Variants in LMO7 observed in about 807,000 individuals in gnomAD.
LMO7 encodes the protein LIM domain only protein 7.
Under a neutral mutation model 206.5 loss-of-function variants are expected in LMO7, and 120 were observed. That is an observed-to-expected ratio of 0.58 (90% CI 0.50 to 0.68). The LOEUF is 0.68. Among genes scored for constraint, LMO7 ranks in the 30% least tolerant of loss-of-function variants. LMO7 has a pLI of 0.00. For missense variants in LMO7, 1,959 were observed against 1,957.9 expected, an observed-to-expected ratio of 1.00 and a Z score of -0.01; for synonymous variants, 706 against 681.5, an observed-to-expected ratio of 1.04 and a Z score of -0.56.
At chr13:75,672,393 C>T (rs2039663386) in intron 1 of LMO7, among the ~76,000 whole-genome samples, 1 of 152,026 alleles carries the variant, frequency 6.6e-6, no homozygotes, top group African/African-American at 2.4e-5. Context: ...AGGCATGTGC[C>T]ACCATGCCTG....
At chr13:75,727,880 G>T (rs1357111111) in intron 3 of LMO7, among the ~76,000 whole-genome samples, 3 of 151,400 alleles carry the variant, frequency 2.0e-5, no homozygotes, top group East Asian at 1.9e-4. Flanking sequence ...GCGGTGTTTG[G>T]TTTTTTGTCC....
chr13:75,658,185 C>T (rs1213364421), intron 1 of LMO7, among the ~76,000 whole-genome samples: 1 of 152,014 alleles, frequency 6.6e-6, no homozygotes, highest in Non-Finnish European at 1.5e-5. Context: ...TGAGTTCTCT[C>T]TAACTCGTTT....
chr13:75,650,559 T>C (rs1042190328), intron 1 of LMO7, among the ~76,000 whole-genome samples: 3 of 152,204 alleles, frequency 2.0e-5, no homozygotes, highest in Admixed American at 6.5e-5. Flanking sequence ...TTGACTGAAA[T>C]GTTTTATATT....
chr13:75,732,728 G>A (rs1213700639), intron 3 of LMO7, among the ~76,000 whole-genome samples: 1 of 151,762 alleles, frequency 6.6e-6, no homozygotes, highest in African/African-American at 2.4e-5. Flanking sequence ...CAGTTTTTCT[G>A]CTGTTTTTTC....
chr13:75,760,527 G>A (rs1179319462), intron 3 of LMO7: 15 of 1,277,416 alleles, frequency 1.2e-5, no homozygotes, highest in Admixed American at 3.7e-5. Flanking sequence ...GTGGGTGAAT[G>A]TCAGTAGCTG....
At chr13:75,665,893 A>T (rs2039035358) in intron 1 of LMO7, among the ~76,000 whole-genome samples, 1 of 152,176 alleles carries the variant, frequency 6.6e-6, no homozygotes, top group Non-Finnish European at 1.5e-5. Flanking sequence ...AGAAGTGAAT[A>T]AATATTACAA....
intron 3 of LMO7, among the ~76,000 whole-genome samples, chr13:75,755,591 C>G (rs1048804853): frequency 6.6e-6 from 1 of 152,144 alleles, no homozygotes; most frequent in Non-Finnish European, 1.5e-5. Flanking sequence ...ACTCCCAAAC[C>G]ATATTTTAAA....
chr13:75,622,135 A>T (rs1301170578), intron 1 of LMO7: 12 of 219,640 alleles, frequency 5.5e-5, no homozygotes, highest in Non-Finnish European at 8.9e-6. Context: ...ATACTATGAT[A>T]CAGGCACGGA....
chr13:75,650,429 G>A (rs976033024), intron 1 of LMO7, among the ~76,000 whole-genome samples: 9 of 150,744 alleles, frequency 6.0e-5, no homozygotes, highest in Non-Finnish European at 8.9e-5. Context: ...TACCTGGCCC[G>A]TTTTTTTTTC....
At chr13:75,737,729 G>T (rs1348395224) in intron 3 of LMO7, among the ~76,000 whole-genome samples, 3 of 115,506 alleles carry the variant, frequency 2.6e-5, no homozygotes, top group African/African-American at 3.4e-5. Context: ...CTCCAGCCTG[G>T]GCGACAGAGC....
chr13:75,652,296 G>A (rs1277305690), intron 1 of LMO7, among the ~76,000 whole-genome samples: 1 of 152,068 alleles, frequency 6.6e-6, no homozygotes, highest in East Asian at 1.9e-4. Context: ...ATCTAGCCAT[G>A]TTCCTTACTA....
intron 3 of LMO7, among the ~76,000 whole-genome samples, chr13:75,749,941 G>A (rs1348337478): frequency 1.3e-5 from 2 of 151,500 alleles, no homozygotes; most frequent in African/African-American, 4.9e-5. Flanking sequence ...ATCTCTGAGT[G>A]TTTGCCTATA....
intron 12 of LMO7, 65 bp downstream of exon 12, chr13:75,817,343 A>T (rs945571145): frequency 2.0e-6 from 2 of 1,017,254 alleles, no homozygotes; most frequent in African/African-American, 3.1e-5. Context: ...CTTCTCTTAA[A>T]GTCAATATAC....
intron 1 of LMO7, among the ~76,000 whole-genome samples, chr13:75,654,023 T>G (rs750955740): frequency 6.6e-6 from 1 of 152,170 alleles, no homozygotes; most frequent in Non-Finnish European, 1.5e-5. Context: ...ATCTAGGTTT[T>G]ATTTCATATA....
intron 3 of LMO7, among the ~76,000 whole-genome samples, chr13:75,731,027 C>T (rs544797317): frequency 2.6e-5 from 4 of 151,622 alleles, no homozygotes; most frequent in Admixed American, 2.6e-4. Flanking sequence ...TTTACATTTG[C>T]TGAGGAGAGC....
chr13:75,838,366 C>T (rs1179652084), intron 20 of LMO7, 170 bp downstream of exon 20: 2 of 1,467,414 alleles, frequency 1.4e-6, no homozygotes, highest in Middle Eastern at 3.6e-4. Flanking sequence ...GCTTTTCTTA[C>T]AGTTCATGGG....
chr13:75,699,218 A>G (rs2042108969), intron 1 of LMO7, among the ~76,000 whole-genome samples: 1 of 152,164 alleles, frequency 6.6e-6, no homozygotes, highest in African/African-American at 2.4e-5. Flanking sequence ...GAAACTGAGG[A>G]AAGTACCAAA....
At chr13:75,681,706 G>GTGTATA (rs1259746833) in intron 1 of LMO7, among the ~76,000 whole-genome samples, 2,215 of 92,760 alleles carry the variant, frequency 0.024, 177 homozygotes, top group Non-Finnish European at 0.037. Context: ...GTATGTATGT[G>GTGTATA]TATATATATA....
At chr13:75,727,215 C>A in intron 3 of LMO7, 117 bp downstream of exon 3, 1 of 599,996 alleles carries the variant, frequency 1.7e-6, no homozygotes, top group Non-Finnish European at 3.0e-6. Context: ...GGTTTTTTTG[C>A]TGAAGCAAAG....
Sources: gnomAD v4.1 joint callset for allele counts (sites outside exome capture counted in the v4.1 genomes callset) on GRCh38, gnomAD v4.1.1 for gene constraint, MANE v1.5 for transcripts, NCBI Gene and HGNC (gene_info 2026-07-23, HGNC 2026-07-21) for gene names.